MALRD1: variants seen among roughly 807,000 people sequenced by gnomAD.
The protein encoded by MALRD1 is MAM and LDL receptor class A domain containing 1, also known as MAM and LDL-receptor class A domain-containing protein 1.
In MALRD1, 247 loss-of-function variants were observed where a neutral mutation model predicts 242.1. The ratio of observed to expected loss-of-function variants is 1.02; its 90% confidence interval spans 0.92 to 1.13. The LOEUF is 1.13. MALRD1 is among the 50% of genes most tolerant of loss of function. MALRD1 has a pLI of 0.00. For synonymous variants in MALRD1, 995 were observed against 866.6 expected (o/e 1.15, Z -2.60); for missense variants, 2,989 against 2,533.1 (o/e 1.18, Z -3.86).
chr10:19,351,074 C>G (rs1289640724), intron 25 of MALRD1, among the ~76,000 whole-genome samples: 1 of 152,180 alleles, frequency 6.6e-6, no homozygotes, highest in Non-Finnish European at 1.5e-5. Flanking sequence ...CTTGGTTGAT[C>G]CTTTTTGAAT....
intron 26 of MALRD1, among the ~76,000 whole-genome samples, chr10:19,352,530 T>G (rs1048578069): frequency 1.3e-5 from 2 of 152,184 alleles, no homozygotes; most frequent in African/African-American, 2.4e-5. Context: ...CTTCTCTGTT[T>G]AGTCACCTTC....
chr10:19,094,877 G>C (rs888027684), intron 4 of MALRD1, among the ~76,000 whole-genome samples: 1 of 152,102 alleles, frequency 6.6e-6, no homozygotes, highest in Non-Finnish European at 1.5e-5. Flanking sequence ...ATGCATGGTC[G>C]AAATGATAAT....
At chr10:19,113,238 A>C (rs77043944) in intron 5 of MALRD1, among the ~76,000 whole-genome samples, 1,907 of 152,260 alleles carry the variant, frequency 0.013, 46 homozygotes, top group African/African-American at 0.044. Flanking sequence ...GACAGAATTC[A>C]AATATTTTAT....
At chr10:19,480,325 C>T (rs12261530) in intron 29 of MALRD1, among the ~76,000 whole-genome samples, 21,787 of 152,112 alleles carry the variant, frequency 0.14, 1,885 homozygotes, top group African/African-American at 0.24. Context: ...TGGTTGTAGA[C>T]ATGGGGCCAT....
At chr10:19,115,663 G>T (rs1400649060) in intron 5 of MALRD1, among the ~76,000 whole-genome samples, 1 of 151,874 alleles carries the variant, frequency 6.6e-6, no homozygotes, top group African/African-American at 2.4e-5. Flanking sequence ...ATATCATGAG[G>T]TCAGGAGTTC....
intron 28 of MALRD1, among the ~76,000 whole-genome samples, chr10:19,415,326 T>C (rs902682190): frequency 2.6e-5 from 4 of 152,172 alleles, no homozygotes; most frequent in South Asian, 2.1e-4. Flanking sequence ...ATAAAGGTGG[T>C]TGCATAAACT....
chr10:19,397,095 G>A (rs1472936460), intron 28 of MALRD1, among the ~76,000 whole-genome samples: 1 of 151,940 alleles, frequency 6.6e-6, no homozygotes, highest in Non-Finnish European at 1.5e-5. Flanking sequence ...TCATTTCTTT[G>A]TGGTAAGATC....
chr10:19,664,575 G>C (rs549391392), intron 36 of MALRD1, among the ~76,000 whole-genome samples: 1 of 152,040 alleles, frequency 6.6e-6, no homozygotes, highest in East Asian at 1.9e-4. Flanking sequence ...AGGCTTCACA[G>C]AATAACATCT....
intron 34 of MALRD1, among the ~76,000 whole-genome samples, chr10:19,596,115 G>A (rs570173013): frequency 6.6e-5 from 10 of 152,252 alleles, no homozygotes; most frequent in African/African-American, 2.4e-4. Context: ...GCAAATGCAT[G>A]TAAAATTCCA....
chr10:19,386,615 T>C (rs1846086247), intron 26 of MALRD1, among the ~76,000 whole-genome samples: 1 of 152,142 alleles, frequency 6.6e-6, no homozygotes, highest in Non-Finnish European at 1.5e-5. Flanking sequence ...TTTATTTCCC[T>C]CATTCATGTA....
intron 14 of MALRD1, among the ~76,000 whole-genome samples, chr10:19,195,849 G>C (rs529070359): frequency 6.6e-6 from 1 of 151,832 alleles, no homozygotes; most frequent in Non-Finnish European, 1.5e-5. Context: ...TACCCAGCAA[G>C]CACATGCAAT....
chr10:19,613,948 C>T (rs774505862), intron 35 of MALRD1, among the ~76,000 whole-genome samples: 43 of 152,066 alleles, frequency 2.8e-4, no homozygotes, highest in Admixed American at 5.9e-4. Context: ...CAAACGTGAC[C>T]GAAGTGCTCT....
intron 2 of MALRD1, among the ~76,000 whole-genome samples, chr10:19,083,986 T>C (rs575557481): frequency 6.6e-6 from 1 of 152,140 alleles, no homozygotes; most frequent in African/African-American, 2.4e-5. Context: ...TCATTAACAA[T>C]ACTCTTGTGG....
chr10:19,205,864 C>T (rs916908864), intron 17 of MALRD1, among the ~76,000 whole-genome samples: 1 of 150,900 alleles, frequency 6.6e-6, no homozygotes, highest in African/African-American at 2.4e-5. Flanking sequence ...GAATTGCCCT[C>T]TGCACTTAGT....
chr10:19,372,608 C>T (rs533049747), intron 26 of MALRD1, among the ~76,000 whole-genome samples: 259 of 151,996 alleles, frequency 1.7e-3, no homozygotes, highest in South Asian at 8.1e-3. Flanking sequence ...GCTGGGATTA[C>T]AGGTGCTCAT....
At chr10:19,412,346 G>C (rs1833308885) in intron 28 of MALRD1, among the ~76,000 whole-genome samples, 1 of 152,120 alleles carries the variant, frequency 6.6e-6, no homozygotes, top group Non-Finnish European at 1.5e-5. Context: ...ACAGCAATGA[G>C]CTTTTAACCT....
At chr10:19,069,464 T>A (rs1835075974) in intron 2 of MALRD1, among the ~76,000 whole-genome samples, 1 of 152,022 alleles carries the variant, frequency 6.6e-6, no homozygotes, top group Non-Finnish European at 1.5e-5. Flanking sequence ...TATTCTTTTA[T>A]CATATTTATT....
rs1309614692 is a variant in MALRD1, at chr10:19,238,425, T to A, written c.2992-19259T>A. Among the ~76,000 whole-genome samples the A allele has an allele frequency of 2.6e-5, 2 of 77,928 alleles. 1 individual carries two copies. The highest frequency in any genetic ancestry group is 4.4e-5 in the Non-Finnish European group (2 of 45,888). 51.1% of individuals were successfully genotyped at this position (77,928 alleles called of 152,430 possible). On this transcript the variant is annotated intron_variant, in intron 18 of 39. Transcript: ENST00000454679. ...TATTATGTATAATATATAATATACA[T>A]TATATATAATATATAATATACATTA...
At chr10:19,373,217 A>T (rs1181303198) in intron 26 of MALRD1, among the ~76,000 whole-genome samples, 1 of 142,488 alleles carries the variant, frequency 7.0e-6, no homozygotes, top group South Asian at 2.2e-4. Context: ...AAAAAAAAAA[A>T]AAATAAGGGG....
Sources: gnomAD v4.1 joint callset for allele counts (sites outside exome capture counted in the v4.1 genomes callset) on GRCh38, gnomAD v4.1.1 for gene constraint, MANE v1.5 for transcripts, NCBI Gene and HGNC (gene_info 2026-07-23, HGNC 2026-07-21) for gene names.